CACNA2D1: variants seen among roughly 807,000 people sequenced by gnomAD.
CACNA2D1 encodes calcium voltage-gated channel auxiliary subunit alpha2delta 1.
A neutral mutation model predicts 171.5 loss-of-function variants in CACNA2D1; 53 were observed. The observed-to-expected ratio is 0.31, with a 90% CI of 0.25 to 0.39. CACNA2D1 has a LOEUF of 0.39. Among genes scored for constraint, CACNA2D1 ranks in the 10% least tolerant of loss-of-function variants. The probability of loss-of-function intolerance (pLI) is 1.00; values close to 1 mark genes in which losing one functional copy is unlikely to be tolerated. For missense variants in CACNA2D1, 903 were observed against 1,299.8 expected, an observed-to-expected ratio of 0.69 and a Z score of 4.69; for synonymous variants, 442 against 443.1, an observed-to-expected ratio of 1.00 and a Z score of 0.03.
chr7:82,177,017 A>T (rs1372263809), intron 3 of CACNA2D1, among the ~76,000 whole-genome samples: 1 of 142,618 alleles, frequency 7.0e-6, no homozygotes, highest in Non-Finnish European at 1.5e-5. Context: ...GACAGGAAGG[A>T]TCCTAAAAAT....
At chr7:82,308,903 T>C (rs970662548) in intron 3 of CACNA2D1, among the ~76,000 whole-genome samples, 7 of 152,190 alleles carry the variant, frequency 4.6e-5, no homozygotes, top group African/African-American at 1.7e-4. Flanking sequence ...TAGCTAACAG[T>C]TGCATAGGGC....
chr7:82,047,148 G>A (rs539325504), intron 10 of CACNA2D1, among the ~76,000 whole-genome samples: 9 of 151,998 alleles, frequency 5.9e-5, no homozygotes, highest in Non-Finnish European at 1.0e-4. Flanking sequence ...TTTTCCAACT[G>A]GAAAAATGGG....
chr7:81,976,045 G>A (rs79648272), intron 24 of CACNA2D1, among the ~76,000 whole-genome samples: 14,005 of 151,124 alleles, frequency 0.093, 684 homozygotes, highest in Middle Eastern at 0.21. Context: ...CAATCATACA[G>A]GTCCTTTATT....
intron 4 of CACNA2D1, among the ~76,000 whole-genome samples, chr7:82,149,790 A>C (rs1360091607): frequency 6.9e-6 from 1 of 144,532 alleles, no homozygotes. Flanking sequence ...AAACAAACAA[A>C]CAACAAAAAA....
intron 10 of CACNA2D1, among the ~76,000 whole-genome samples, chr7:82,049,294 G>A (rs1390655585): frequency 6.6e-6 from 1 of 151,990 alleles, no homozygotes; most frequent in Non-Finnish European, 1.5e-5. Context: ...TAAAAAAAGT[G>A]CATAAGAAGA....
intron 6 of CACNA2D1, among the ~76,000 whole-genome samples, chr7:82,103,190 C>G (rs1031265505): frequency 2.0e-5 from 3 of 152,026 alleles, no homozygotes; most frequent in Non-Finnish European, 2.9e-5. Flanking sequence ...CGCCTGTAAT[C>G]CCAGCTACTC....
Position 82,014,588 on chromosome 7 carries a change from T to C in CACNA2D1, c.1144-109A>G, listed in dbSNP as rs1800195991. 4.3e-6 allele frequency: 3 copies of C among 703,456 alleles called. No individual in the cohort carries two copies. The East Asian group carries it at 8.1e-5, about 19-fold the overall frequency. The allele number at this position is 703,456 out of a possible 1,614,324, so 43.6% of individuals were successfully genotyped here. On this transcript the variant is annotated intron_variant, in intron 12 of 38. Coordinates refer to ENST00000356860, the MANE Select transcript of CACNA2D1 (RefSeq NM_000722.4). ...AAAAGAGTGCTTTCCAGTTGAATGA[T>C]ATGACAAGAAAAACTGAGGCCAGTA...
At chr7:82,262,282 G>A (rs1807221757) in intron 3 of CACNA2D1, among the ~76,000 whole-genome samples, 1 of 152,192 alleles carries the variant, frequency 6.6e-6, no homozygotes, top group African/African-American at 2.4e-5. Flanking sequence ...GGTGAGCCGA[G>A]ATGGTGCCAC....
At chr7:82,026,640 TTTG>T (rs1454182876) in intron 12 of CACNA2D1, among the ~76,000 whole-genome samples, 4 of 151,848 alleles carry the variant, frequency 2.6e-5, no homozygotes, top group African/African-American at 9.6e-5. Flanking sequence ...AACAATTATC[TTTG>T]TTATTAATAT....
At chr7:82,063,154 A>G (rs968300404) in intron 9 of CACNA2D1, among the ~76,000 whole-genome samples, 1 of 152,146 alleles carries the variant, frequency 6.6e-6, no homozygotes, top group Non-Finnish European at 1.5e-5. Context: ...TTTAAATTTC[A>G]TATACACTTT....
intron 3 of CACNA2D1, among the ~76,000 whole-genome samples, chr7:82,290,124 T>A (rs141834992): frequency 6.6e-6 from 1 of 152,180 alleles, no homozygotes; most frequent in East Asian, 1.9e-4. Context: ...TTACTTTTAA[T>A]AGCAAAAACC....
intron 3 of CACNA2D1, among the ~76,000 whole-genome samples, chr7:82,220,309 C>A (rs902509504): frequency 6.6e-6 from 1 of 152,056 alleles, no homozygotes; most frequent in African/African-American, 2.4e-5. Flanking sequence ...GAGTTATATT[C>A]AAATATCAAT....
At chr7:82,182,337 T>G (rs781653024) in intron 3 of CACNA2D1, among the ~76,000 whole-genome samples, 2 of 152,114 alleles carry the variant, frequency 1.3e-5, no homozygotes, top group Non-Finnish European at 2.9e-5. Flanking sequence ...GGAAAAAATA[T>G]GGAAAGGCCC....
At chr7:82,369,413 A>G (rs1354930334) in intron 1 of CACNA2D1, among the ~76,000 whole-genome samples, 1 of 151,664 alleles carries the variant, frequency 6.6e-6, no homozygotes, top group Non-Finnish European at 1.5e-5. Context: ...GGTCAATCTG[A>G]TCTGGCTTCC....
chr7:82,164,009 G>T (rs1019502743), intron 4 of CACNA2D1, among the ~76,000 whole-genome samples: 3 of 151,856 alleles, frequency 2.0e-5, no homozygotes, highest in African/African-American at 7.2e-5. Flanking sequence ...CTATTATTTT[G>T]CTAAAAGTGC....
intron 20 of CACNA2D1, among the ~76,000 whole-genome samples, chr7:81,991,821 G>A (rs893951704): frequency 6.6e-6 from 1 of 151,802 alleles, no homozygotes; most frequent in African/African-American, 2.4e-5. Flanking sequence ...ATTAGGTATT[G>A]CGATGGCACA....
At chr7:82,076,368 C>T (rs1808965663) in intron 7 of CACNA2D1, among the ~76,000 whole-genome samples, 1 of 152,094 alleles carries the variant, frequency 6.6e-6, no homozygotes, top group African/African-American at 2.4e-5. Context: ...TTGTCAACAC[C>T]TCAAACTTTA....
rs772849794 is a variant in CACNA2D1 at position 81,994,899 on chromosome 7, G to GT, written c.1702dup (p.Thr568AsnfsTer7). 1.3e-6 allele frequency: 2 copies of GT among 1,540,470 alleles called. No homozygotes were observed. The highest frequency in any genetic ancestry group is 1.7e-4 in the Middle Eastern group (1 of 5,924). ...TTGAGATTTAACCAGAGTTCTGAAT[G>GT]TTTTTTCTCCACTTTCCCCATCAAT... On this transcript the variant is annotated frameshift_variant, in exon 20 of 39. Transcript: ENST00000356860. LOFTEE classifies it high-confidence loss of function.
At chr7:82,036,096 C>T (rs369824564) in intron 11 of CACNA2D1, among the ~76,000 whole-genome samples, 15 of 152,228 alleles carry the variant, frequency 9.9e-5, no homozygotes, top group African/African-American at 3.1e-4. Context: ...CAATCATCTA[C>T]TTACTAGTTC....
Sources: gnomAD v4.1 joint callset for allele counts (sites outside exome capture counted in the v4.1 genomes callset) on GRCh38, gnomAD v4.1.1 for gene constraint, MANE v1.5 for transcripts, NCBI Gene and HGNC (gene_info 2026-07-23, HGNC 2026-07-21) for gene names.